Variants in KCNT1 observed in about 807,000 individuals in gnomAD.
KCNT1 encodes the protein potassium sodium-activated channel subfamily T member 1, also known as potassium channel subfamily T member 1.
KCNT1 carries 78 observed loss-of-function variants against 147.8 expected under a neutral mutation model. The observed-to-expected ratio is 0.53, with a 90% CI of 0.44 to 0.64. The LOEUF is 0.64. KCNT1 is among the 30% of genes least tolerant of loss of function. The pLI is 0.00. For synonymous variants in KCNT1, 867 were observed against 748.8 expected (o/e 1.16, Z -2.58); for missense variants, 1,419 against 1,750.3 (o/e 0.81, Z 3.38).
chr9:135,767,846 G>T (rs1359759848), intron 13 of KCNT1, among the ~76,000 whole-genome samples: 1 of 152,088 alleles, frequency 6.6e-6, no homozygotes, highest in Non-Finnish European at 1.5e-5. Context: ...GGGCCTGGGG[G>T]AGGAAGGGCA....
At chr9:135,706,947 C>T (rs1835280319) in intron 1 of KCNT1, among the ~76,000 whole-genome samples, 1 of 151,898 alleles carries the variant, frequency 6.6e-6, no homozygotes, top group Admixed American at 6.5e-5. Context: ...TCCCAGAGTT[C>T]ATTGGTGCTG....
intron 2 of KCNT1, chr9:135,736,842 C>T: frequency 3.0e-6 from 1 of 330,138 alleles, no homozygotes; most frequent in Non-Finnish European, 5.5e-6. Flanking sequence ...GCATCCTGCT[C>T]GGGCTGCGCT....
intron 2 of KCNT1, among the ~76,000 whole-genome samples, chr9:135,723,141 T>G (rs1835990963): frequency 6.6e-6 from 1 of 152,192 alleles, no homozygotes; most frequent in Admixed American, 6.5e-5. Flanking sequence ...CAGCAGTCAG[T>G]GACGGGCGTG....
intron 1 of KCNT1, among the ~76,000 whole-genome samples, chr9:135,707,287 C>T (rs770836079): frequency 2.6e-5 from 4 of 152,016 alleles, no homozygotes; most frequent in Non-Finnish European, 5.9e-5. Context: ...GGGAGAGGGG[C>T]GGCTTCTCCT....
At chr9:135,733,363 T>C (rs1490538553) in intron 2 of KCNT1, among the ~76,000 whole-genome samples, 1 of 13,640 alleles carries the variant, frequency 7.3e-5, no homozygotes. Flanking sequence ...CCCCCACACC[T>C]GCCTTCATAC....
chr9:135,718,710 G>A (rs1444295015), intron 2 of KCNT1, among the ~76,000 whole-genome samples: 1 of 152,232 alleles, frequency 6.6e-6, no homozygotes, highest in Non-Finnish European at 1.5e-5. Flanking sequence ...CAGGCTCTGT[G>A]AGGGAAGCGG....
intron 2 of KCNT1, among the ~76,000 whole-genome samples, chr9:135,737,398 G>C (rs1353853115): frequency 6.6e-6 from 1 of 152,030 alleles, no homozygotes; most frequent in East Asian, 1.9e-4. Flanking sequence ...TCACGGATGA[G>C]GACACCAAGG....
At chr9:135,768,719 GC>G in intron 14 of KCNT1, 46 bp downstream of exon 14, 2 of 1,538,796 alleles carry the variant, frequency 1.3e-6, no homozygotes, top group Non-Finnish European at 1.8e-6. Flanking sequence ...GCACCGTGGG[GC>G]CGGGGAGCGG....
chr9:135,764,688 G>T (rs985481395), intron 11 of KCNT1, among the ~76,000 whole-genome samples: 3 of 152,072 alleles, frequency 2.0e-5, no homozygotes, highest in Non-Finnish European at 4.4e-5. Flanking sequence ...GGAAGACCGG[G>T]GTCTGAGGCC....
chr9:135,774,152 T>C (rs1244989274), intron 19 of KCNT1, among the ~76,000 whole-genome samples: 1 of 150,994 alleles, frequency 6.6e-6, no homozygotes, highest in Non-Finnish European at 1.5e-5. Flanking sequence ...GATGTGTGTC[T>C]GGGTGTGTGT....
intron 2 of KCNT1, among the ~76,000 whole-genome samples, chr9:135,716,915 G>A (rs1359345616): frequency 6.6e-6 from 1 of 152,242 alleles, no homozygotes; most frequent in Non-Finnish European, 1.5e-5. Context: ...TACCTGTCCT[G>A]TGGCGCTGTC....
chr9:135,778,947 G>A lies in KCNT1; in HGVS notation c.2729+125G>A, dbSNP rs1290467068. 8.8e-6 allele frequency: 10 copies of A among 1,137,298 alleles called. No individual in the cohort carries two copies. The African/African-American group carries it at 1.2e-4, about 14-fold the overall frequency. The allele number at this position is 1,137,298 out of a possible 1,614,324, so 70.5% of individuals were successfully genotyped here. On this transcript the variant is annotated intron_variant, in intron 23 of 30. Transcript: ENST00000371757. ...CTGAGACCCCCACAGCCACGACCAC[G>A]GGCCCTCGCCCTGAGACCGCCACAG... is the stretch of plus-strand genomic sequence containing the variant.
In KCNT1 at chr9:135,787,364, G is replaced by GCCCCAGCT. The variant is rs574943274; in HGVS notation, c.3502+851_3502+858dup. Among the ~76,000 whole-genome samples the GCCCCAGCT allele has an allele frequency of 8.6e-4, 131 of 152,288 alleles. 3 individuals carry two copies. In the East Asian group the frequency reaches 0.019, roughly 22 times the overall value. On this transcript the variant is annotated intron_variant, in intron 29 of 30. Coordinates refer to ENST00000371757, the MANE Select transcript of KCNT1 (RefSeq NM_020822.3). ...GCTACCTCCGTTGATGAAGCCATGGGCCCCAGCTCCCCAGCACCGGGCCGC... is the reference window on the plus strand; with the variant it reads ...GCTACCTCCGTTGATGAAGCCATGGGCCCCAGCTCCCCAGCTCCCCAGCACCGGGCCGC...
chr9:135,708,254 A>G (rs538117574), intron 1 of KCNT1, among the ~76,000 whole-genome samples: 27 of 152,352 alleles, frequency 1.8e-4, no homozygotes, highest in African/African-American at 6.0e-4. Flanking sequence ...GCACATGTAT[A>G]CATATGCCCA....
intron 21 of KCNT1, 26 bp from the exon 22 acceptor site, chr9:135,778,397 GC>G (rs1305718734): frequency 2.6e-6 from 4 of 1,547,328 alleles, no homozygotes; most frequent in Admixed American, 3.9e-5. Flanking sequence ...AGCAGGGTGG[GC>G]CCCTCCAGGA....
At chr9:135,709,016 G>A (rs573985213) in intron 1 of KCNT1, among the ~76,000 whole-genome samples, 3 of 152,128 alleles carry the variant, frequency 2.0e-5, no homozygotes, top group East Asian at 1.9e-4. Flanking sequence ...TAGCTGTTCC[G>A]TTTGCCATAA....
intron 25 of KCNT1, 51 bp from the exon 26 acceptor site, chr9:135,784,484 T>TCCCCCCCCCCCCCCCCCCCCCCCCCCCCC: frequency 1.7e-5 from 1 of 57,652 alleles, no homozygotes; most frequent in Non-Finnish European, 3.0e-5. Context: ...TCACTGTGGC[T>TCCCCCCCCCCCCCCCCCCCCCCCCCCCCC]CCCTCCCTCC....
intron 1 of KCNT1, among the ~76,000 whole-genome samples, chr9:135,703,452 A>G: frequency 6.6e-6 from 1 of 152,218 alleles, no homozygotes; most frequent in East Asian, 1.9e-4. Context: ...GGAGGTTCCC[A>G]GAATCAAGAG....
At chr9:135,772,604 C>A in intron 18 of KCNT1, 111 bp from the exon 19 acceptor site, 1 of 706,028 alleles carries the variant, frequency 1.4e-6, no homozygotes, top group South Asian at 4.1e-5. Flanking sequence ...AGCACAGGAG[C>A]CAGGCCATGA....
Sources: gnomAD v4.1 joint callset for allele counts (sites outside exome capture counted in the v4.1 genomes callset) on GRCh38, gnomAD v4.1.1 for gene constraint, MANE v1.5 for transcripts, NCBI Gene and HGNC (gene_info 2026-07-23, HGNC 2026-07-21) for gene names.